CGNL1: variants seen among roughly 807,000 people sequenced by gnomAD.
CGNL1 encodes the protein cingulin like 1, also known as cingulin-like protein 1.
A neutral mutation model predicts 141.2 loss-of-function variants in CGNL1; 132 were observed. That is an observed-to-expected ratio of 0.93 (90% CI 0.81 to 1.08). CGNL1 has a LOEUF of 1.08. Among genes scored for constraint, CGNL1 ranks in the 50% least tolerant of loss-of-function variants. CGNL1 has a pLI of 0.00. For synonymous variants in CGNL1, 690 were observed against 622.1 expected (o/e 1.11, Z -1.63); for missense variants, 1,870 against 1,588.6 (o/e 1.18, Z -3.01).
chr15:57,505,859 T>C (rs1220556990), intron 8 of CGNL1, among the ~76,000 whole-genome samples: 2 of 152,234 alleles, frequency 1.3e-5, no homozygotes, highest in Non-Finnish European at 2.9e-5. Flanking sequence ...TGTATTTAAG[T>C]TCTGAAAATG....
At chr15:57,466,892 C>T (rs1403331197) in intron 8 of CGNL1, among the ~76,000 whole-genome samples, 2 of 152,104 alleles carry the variant, frequency 1.3e-5, no homozygotes, top group East Asian at 3.9e-4. Flanking sequence ...AAAACAGCCA[C>T]TTTTATTTTT....
At chr15:57,523,171 T>C (rs1447543863) in intron 10 of CGNL1, among the ~76,000 whole-genome samples, 1 of 152,198 alleles carries the variant, frequency 6.6e-6, no homozygotes, top group East Asian at 1.9e-4. Flanking sequence ...ATTTCAAGCA[T>C]GAACATTCAG....
intron 10 of CGNL1, 97 bp downstream of exon 10, chr15:57,518,594 T>C: frequency 1.3e-6 from 1 of 779,986 alleles, no homozygotes; most frequent in South Asian, 1.6e-5. Flanking sequence ...GCCCTCTCTT[T>C]CCATGTAGCT....
rs1365514154 is a variant in CGNL1 at position 57,440,382 on chromosome 15, AC to A, written c.1610del (p.Pro537ArgfsTer4). The A allele has an allele frequency of 6.3e-7, 1 of 1,598,422 alleles. No homozygotes were observed. Among genetic ancestry groups the A allele is most frequent in the African/African-American group, 1.3e-5 (1 of 74,772 alleles). ...FPSASNTQAT[P>X]DLLKGQQELT... The stretch of plus-strand genomic sequence containing the variant: ...CAACAGGCCTTATGTTCCAGGCCAC[AC>A]CGGATCTCTTAAAGGGCCAGCAAGA... On this transcript the variant is annotated frameshift_variant, in exon 3 of 19. Transcript: ENST00000281282. LOFTEE classifies it high-confidence loss of function.
chr15:57,492,566 G>C (rs2063880888), intron 8 of CGNL1, among the ~76,000 whole-genome samples: 1 of 152,094 alleles, frequency 6.6e-6, no homozygotes, highest in Admixed American at 6.5e-5. Flanking sequence ...TCAATTCTGG[G>C]GATAGTGAGG....
At chr15:57,428,467 C>T (rs1388625154) in intron 1 of CGNL1, among the ~76,000 whole-genome samples, 2 of 152,070 alleles carry the variant, frequency 1.3e-5, no homozygotes, top group Non-Finnish European at 2.9e-5. Context: ...GGGCTGGCCT[C>T]GTGGAGGGAT....
intron 1 of CGNL1, among the ~76,000 whole-genome samples, chr15:57,392,729 GC>G (rs1300549370): frequency 2.6e-5 from 4 of 152,194 alleles, no homozygotes; most frequent in Non-Finnish European, 5.9e-5. Flanking sequence ...TGAGGGTAGA[GC>G]AAAGGCAAGA....
At chr15:57,480,071 T>C (rs1416965244) in intron 8 of CGNL1, among the ~76,000 whole-genome samples, 12 of 152,178 alleles carry the variant, frequency 7.9e-5, no homozygotes, top group African/African-American at 2.9e-4. Flanking sequence ...ATTGCAGTAT[T>C]AGCAGTATGT....
At chr15:57,409,754 A>T (rs1331619831) in intron 1 of CGNL1, among the ~76,000 whole-genome samples, 1 of 152,218 alleles carries the variant, frequency 6.6e-6, no homozygotes, top group Non-Finnish European at 1.5e-5. Flanking sequence ...TAGGACTTTT[A>T]GACATTTAGA....
At chr15:57,524,803 T>G (rs762650094) in intron 12 of CGNL1, 52 bp downstream of exon 12, 1 of 1,574,824 alleles carries the variant, frequency 6.3e-7, no homozygotes, top group East Asian at 2.3e-5. Flanking sequence ...AAAGTATCCT[T>G]TGCCCTGAAA....
At chr15:57,462,599 C>G (rs2063461237) in intron 8 of CGNL1, among the ~76,000 whole-genome samples, 1 of 152,004 alleles carries the variant, frequency 6.6e-6, no homozygotes, top group African/African-American at 2.4e-5. Flanking sequence ...TTTTCAGAGA[C>G]TCTGCAATAT....
chr15:57,398,773 G>T (rs745355285), intron 1 of CGNL1, among the ~76,000 whole-genome samples: 6 of 152,194 alleles, frequency 3.9e-5, no homozygotes, highest in Non-Finnish European at 7.3e-5. Context: ...TGTGGGAAGA[G>T]CATTTTGAAT....
intron 14 of CGNL1, among the ~76,000 whole-genome samples, 155 bp from the exon 15 acceptor site, chr15:57,543,541 A>G (rs952512435): frequency 3.3e-5 from 5 of 152,206 alleles, no homozygotes; most frequent in African/African-American, 4.8e-5. Context: ...ACTAAGAAAC[A>G]GATCCCGTAC....
chr15:57,539,246 T>G lies in CGNL1; in HGVS notation c.3292-4450T>G, dbSNP rs1384758967. ...TATCCCTTCACTTTTCGGAAAATAATCTACCTTCCGTCCCTTTCTTGCCTC... is the reference window on the plus strand; with the variant it reads ...TATCCCTTCACTTTTCGGAAAATAAGCTACCTTCCGTCCCTTTCTTGCCTC... On this transcript the variant is annotated intron_variant, in intron 14 of 18. Coordinates refer to ENST00000281282, the MANE Select transcript of CGNL1 (RefSeq NM_032866.5). Among the ~76,000 whole-genome samples, 4 of 152,284 alleles carry G rather than the reference T, an allele frequency of 2.6e-5. No individual in the cohort carries two copies. In the East Asian group the frequency reaches 5.8e-4, roughly 22 times the overall value.
intron 1 of CGNL1, among the ~76,000 whole-genome samples, chr15:57,412,885 G>A (rs1308913601): frequency 2.6e-5 from 4 of 151,684 alleles, no homozygotes; most frequent in African/African-American, 7.3e-5. Flanking sequence ...TTTTTGAGAC[G>A]GAATCTCACT....
At chr15:57,473,899 C>CTTTTTTTTTT (rs59761174) in intron 8 of CGNL1, among the ~76,000 whole-genome samples, 5 of 70,668 alleles carry the variant, frequency 7.1e-5, no homozygotes, top group African/African-American at 1.7e-4. Context: ...TCTTCTTCTT[C>CTTTTTTTTTT]TTTTTTTTTT....
chr15:57,545,547 G>A lies in CGNL1; in HGVS notation c.3501-45G>A, dbSNP rs781215321. ...CACAGCCTAGGCTGGGCCCCCTGCA[G>A]GGATGGGAGTGAGAGGGTTCTTGGT... On this transcript the variant is annotated intron_variant, in intron 16 of 18. Coordinates refer to ENST00000281282, the MANE Select transcript of CGNL1 (RefSeq NM_032866.5). 49 of 1,562,152 alleles carry A rather than the reference G, an allele frequency of 3.1e-5. 3 individuals are homozygous for A. In the South Asian group the frequency reaches 5.7e-4, roughly 18 times the overall value.
intron 1 of CGNL1, among the ~76,000 whole-genome samples, chr15:57,384,797 G>T (rs1294624817): frequency 6.6e-6 from 1 of 152,160 alleles, no homozygotes; most frequent in South Asian, 2.1e-4. Flanking sequence ...AAGCTTTGTG[G>T]AAGAAGGAAG....
At chr15:57,419,042 C>T (rs2062883833) in intron 1 of CGNL1, among the ~76,000 whole-genome samples, 1 of 152,136 alleles carries the variant, frequency 6.6e-6, no homozygotes, top group African/African-American at 2.4e-5. Context: ...ATTCTCCTTC[C>T]TGCCTCAGCC....
Sources: gnomAD v4.1 joint callset for allele counts (sites outside exome capture counted in the v4.1 genomes callset) on GRCh38, gnomAD v4.1.1 for gene constraint, MANE v1.5 for transcripts, NCBI Gene and HGNC (gene_info 2026-07-23, HGNC 2026-07-21) for gene names.